NRXN3: variants seen among roughly 807,000 people sequenced by gnomAD.
NRXN3 encodes the protein neurexin III.
In NRXN3, 32 loss-of-function variants were observed where a neutral mutation model predicts 137.6. The ratio of observed to expected loss-of-function variants is 0.23; its 90% confidence interval spans 0.18 to 0.31. The LOEUF is 0.31. NRXN3 is among the 10% of genes least tolerant of loss of function. The probability of loss-of-function intolerance (pLI) is 1.00; values close to 1 mark genes in which losing one functional copy is unlikely to be tolerated. For missense variants in NRXN3, 1,574 were observed against 2,062.5 expected (o/e 0.76, Z 4.59); for synonymous variants, 798 against 784.5 (o/e 1.02, Z -0.29).
intron 4 of NRXN3, among the ~76,000 whole-genome samples, chr14:78,603,044 C>A (rs1271280555): frequency 2.0e-5 from 3 of 152,038 alleles, no homozygotes; most frequent in Admixed American, 6.6e-5. Context: ...TTTCTTGGCA[C>A]TTTTTTTGTT....
intron 8 of NRXN3, among the ~76,000 whole-genome samples, chr14:78,750,826 AG>A: frequency 6.6e-6 from 1 of 152,302 alleles, no homozygotes; most frequent in East Asian, 1.9e-4. Context: ...TGAGGGCCAG[AG>A]GTCTCAGAGC....
intron 15 of NRXN3, among the ~76,000 whole-genome samples, chr14:79,200,224 A>G (rs17511643): frequency 0.086 from 13,155 of 152,280 alleles, 765 homozygotes; most frequent in Middle Eastern, 0.12. Context: ...GAAATCCTGA[A>G]CTAGAGTTTG....
At chr14:78,223,683 C>T (rs1205224621) in intron 1 of NRXN3, among the ~76,000 whole-genome samples, 2 of 152,076 alleles carry the variant, frequency 1.3e-5, no homozygotes, top group East Asian at 3.8e-4. Context: ...TTGAAGCATC[C>T]AAGATAACTC....
At chr14:79,393,200 A>G (rs1034953104) in intron 15 of NRXN3, among the ~76,000 whole-genome samples, 2 of 152,126 alleles carry the variant, frequency 1.3e-5, no homozygotes, top group Admixed American at 6.6e-5. Flanking sequence ...ATCCAGACAG[A>G]CATTGTAATT....
intron 19 of NRXN3, among the ~76,000 whole-genome samples, chr14:79,794,629 A>G (rs8010965): frequency 0.1 from 15,311 of 152,176 alleles, 1,066 homozygotes; most frequent in African/African-American, 0.19. Context: ...CTTACCTATT[A>G]TACAGAGGAC....
intron 17 of NRXN3, among the ~76,000 whole-genome samples, chr14:79,688,547 A>T (rs933394984): frequency 6.6e-6 from 1 of 152,180 alleles, no homozygotes; most frequent in African/African-American, 2.4e-5. Flanking sequence ...ATAAATTTCG[A>T]GTCTCACCTT....
chr14:78,521,081 A>C (rs1023212132), intron 4 of NRXN3, among the ~76,000 whole-genome samples: 1 of 152,204 alleles, frequency 6.6e-6, no homozygotes, highest in Non-Finnish European at 1.5e-5. Context: ...AATACATAGC[A>C]ATCAATGTAA....
chr14:79,614,160 T>C (rs1366945954), intron 16 of NRXN3, among the ~76,000 whole-genome samples: 2 of 152,230 alleles, frequency 1.3e-5, no homozygotes, highest in Admixed American at 6.5e-5. Context: ...AAGAGATGCT[T>C]CAAGGCAGTT....
chr14:79,670,041 C>G (rs991430796), intron 17 of NRXN3, among the ~76,000 whole-genome samples: 1 of 151,908 alleles, frequency 6.6e-6, no homozygotes, highest in African/African-American at 2.4e-5. Context: ...GCTGGTATGA[C>G]GGAGATTCTG....
intron 11 of NRXN3, among the ~76,000 whole-genome samples, chr14:78,962,311 T>G (rs1406882685): frequency 6.6e-6 from 1 of 151,990 alleles, no homozygotes; most frequent in Non-Finnish European, 1.5e-5. Flanking sequence ...TAATGACATT[T>G]CATAGTGATT....
intron 20 of NRXN3, among the ~76,000 whole-genome samples, chr14:79,819,585 G>A (rs1176787927): frequency 7.3e-6 from 1 of 137,336 alleles, no homozygotes; most frequent in African/African-American, 2.8e-5. Context: ...CCCAGGTTCA[G>A]GCAATTCTCC....
intron 1 of NRXN3, among the ~76,000 whole-genome samples, chr14:78,238,292 A>G (rs1048358168): frequency 6.6e-6 from 1 of 152,204 alleles, no homozygotes; most frequent in Non-Finnish European, 1.5e-5. Flanking sequence ...CTCTCGCTTG[A>G]TTCCCACACA....
At chr14:79,347,658 T>C (rs1015986561) in intron 15 of NRXN3, among the ~76,000 whole-genome samples, 87 of 152,260 alleles carry the variant, frequency 5.7e-4, no homozygotes, top group African/African-American at 1.9e-3. Flanking sequence ...CCTGACCTTG[T>C]GATCCACATG....
intron 15 of NRXN3, among the ~76,000 whole-genome samples, chr14:79,139,064 C>A (rs1008533129): frequency 6.6e-6 from 1 of 152,190 alleles, no homozygotes; most frequent in Non-Finnish European, 1.5e-5. Context: ...TACTTTTTCA[C>A]CTTCAAGGCC....
chr14:78,179,084 C>T (rs1053298165), intron 1 of NRXN3, among the ~76,000 whole-genome samples: 1 of 152,154 alleles, frequency 6.6e-6, no homozygotes, highest in Non-Finnish European at 1.5e-5. Context: ...GGATCATGCA[C>T]AGCCTCACTG....
chr14:78,377,413 T>C (rs1384178052), intron 4 of NRXN3, among the ~76,000 whole-genome samples: 1 of 152,136 alleles, frequency 6.6e-6, no homozygotes, highest in African/African-American at 2.4e-5. Flanking sequence ...GAAGCACAAA[T>C]AGACTAAAAA....
At chr14:78,771,360 C>T (rs984645815) in intron 8 of NRXN3, among the ~76,000 whole-genome samples, 1 of 152,188 alleles carries the variant, frequency 6.6e-6, no homozygotes, top group African/African-American at 2.4e-5. Flanking sequence ...CATCCACATA[C>T]ATTTATTTAT....
At chr14:78,837,930 A>G (rs753854959) in intron 10 of NRXN3, among the ~76,000 whole-genome samples, 4 of 152,160 alleles carry the variant, frequency 2.6e-5, no homozygotes, top group Non-Finnish European at 4.4e-5. Context: ...GCATGAATCT[A>G]TATTAGAAGC....
chr14:79,347,404 T>G (rs1331241316), intron 15 of NRXN3, among the ~76,000 whole-genome samples: 1 of 152,024 alleles, frequency 6.6e-6, no homozygotes, highest in Non-Finnish European at 1.5e-5. Flanking sequence ...TGAAATGATT[T>G]TTAGAATGAG....
Sources: allele counts gnomAD v4.1 joint callset (sites outside exome capture counted in the v4.1 genomes callset), GRCh38; gene constraint gnomAD v4.1.1; transcripts MANE v1.5; gene names NCBI Gene and HGNC (gene_info 2026-07-23, HGNC 2026-07-21).